Variants in STK35 observed in about 807,000 individuals in gnomAD.
The protein encoded by STK35 is serine/threonine-protein kinase 35.
STK35 carries 17 observed loss-of-function variants against 37.3 expected under a neutral mutation model. The ratio of observed to expected loss-of-function variants is 0.46; its 90% CI spans 0.31 to 0.68. The LOEUF is 0.68. STK35 is among the 30% of genes least tolerant of loss of function. The pLI is 0.05. For missense variants in STK35, 595 were observed against 746.7 expected (o/e 0.80, Z 2.37); for synonymous variants, 385 against 319.1 (o/e 1.21, Z -2.20).
intron 3 of STK35, among the ~76,000 whole-genome samples, chr20:2,130,108 A>G (rs746662793): frequency 3.3e-5 from 5 of 152,190 alleles, no homozygotes; most frequent in Non-Finnish European, 7.3e-5. Context: ...GAACAGAGCC[A>G]TGTAAGAGTG....
intron 2 of STK35, 78 bp downstream of exon 2, chr20:2,103,443 C>A: frequency 7.1e-7 from 1 of 1,411,336 alleles, no homozygotes; most frequent in Non-Finnish European, 9.6e-7. Flanking sequence ...CACACTGTTC[C>A]TGGCCTTCCT....
intron 1 of STK35, 61 bp downstream of exon 1, chr20:2,102,236 C>T (rs1985407164): frequency 2.2e-6 from 3 of 1,381,314 alleles, no homozygotes; most frequent in African/African-American, 3.1e-5. Flanking sequence ...GCCACTGCCT[C>T]CGCGCTTGGG....
At chr20:2,142,812 A>G (rs186862786) in intron 3 of STK35, among the ~76,000 whole-genome samples, 1 of 152,294 alleles carries the variant, frequency 6.6e-6, no homozygotes, top group African/African-American at 2.4e-5. Context: ...GTTGCCCTAG[A>G]TGGCCCGCCC....
At position 2,102,054 on chromosome 20, in the gene STK35, C is replaced by G; in HGVS notation, c.173C>G (p.Ala58Gly). The G allele has an allele frequency of 9.8e-6, 15 of 1,523,752 alleles. No individual in the cohort carries two copies. Among genetic ancestry groups the G allele is most frequent in the Non-Finnish European group, 1.3e-5 (15 of 1,140,728 alleles). The allele number at this position is 1,523,752 out of a possible 1,614,324, so 94.4% of individuals were successfully genotyped here. Residue 58 changes from alanine to glycine, a missense_variant, in exon 1 of 4, where the codon GCT becomes GGT. Around this residue, in one of 3 missense-constraint regions of STK35, gnomAD observed 389 missense variants for 320.0 expected, o/e 1.22. Transcript: ENST00000381482. ...AAAEGSATRR[A>G]RAATSRAARS... ...GCAGAAGGATCCGCTACACGCCGGG[C>G]TCGGGCCGCCACCTCCCGCGCTGCT... is the stretch of plus-strand genomic sequence containing the variant.
At chr20:2,103,632 T>C (rs1038820987) in intron 2 of STK35, among the ~76,000 whole-genome samples, 1 of 152,168 alleles carries the variant, frequency 6.6e-6, no homozygotes, top group Non-Finnish European at 1.5e-5. Context: ...TGCTCAAGAA[T>C]TGCGAGCTAT....
chr20:2,135,135 C>A (rs572485309), intron 3 of STK35, among the ~76,000 whole-genome samples: 3 of 152,344 alleles, frequency 2.0e-5, no homozygotes, highest in Non-Finnish European at 2.9e-5. Flanking sequence ...GATCCTTCAT[C>A]TTCCCGTGTT....
At chr20:2,120,756 G>C (rs906260246) in intron 3 of STK35, among the ~76,000 whole-genome samples, 51 of 152,346 alleles carry the variant, frequency 3.3e-4, no homozygotes, top group African/African-American at 1.2e-3. Flanking sequence ...AAACAGACAA[G>C]TTTTTGCAGT....
intron 3 of STK35, among the ~76,000 whole-genome samples, chr20:2,129,569 T>C (rs1341741317): frequency 6.6e-6 from 1 of 152,042 alleles, no homozygotes; most frequent in Non-Finnish European, 1.5e-5. Context: ...ATCAACTGTG[T>C]GTTGGGCACT....
chr20:2,104,345 G>A (rs1019593986), intron 2 of STK35, among the ~76,000 whole-genome samples: 7 of 152,214 alleles, frequency 4.6e-5, no homozygotes, highest in Non-Finnish European at 1.0e-4. Flanking sequence ...TGTGGTCTCA[G>A]TGCTGAAGTA....
chr20:2,124,840 G>C (rs1054641470), intron 3 of STK35, among the ~76,000 whole-genome samples: 15 of 152,168 alleles, frequency 9.9e-5, no homozygotes, highest in Non-Finnish European at 2.2e-4. Flanking sequence ...TTCCTCCCCA[G>C]GTGGGGAAGG....
intron 3 of STK35, among the ~76,000 whole-genome samples, chr20:2,142,767 C>G (rs1986192399): frequency 6.6e-6 from 1 of 152,032 alleles, no homozygotes; most frequent in African/African-American, 2.4e-5. Context: ...AAAAAACCTC[C>G]TAGATGATTC....
chr20:2,124,681 G>T (rs552336942), intron 3 of STK35, among the ~76,000 whole-genome samples: 1 of 152,288 alleles, frequency 6.6e-6, no homozygotes, highest in East Asian at 1.9e-4. Flanking sequence ...GGGGTTATGA[G>T]TGAAGAGTCA....
intron 3 of STK35, among the ~76,000 whole-genome samples, chr20:2,137,005 T>A (rs891640133): frequency 6.6e-6 from 1 of 152,184 alleles, no homozygotes; most frequent in African/African-American, 2.4e-5. Context: ...CAGCAGGAGC[T>A]GAAGACCCAA....
rs976918522 is a variant in STK35, at chr20:2,117,836, T to C, written c.*37+421T>C. Among the ~76,000 whole-genome samples the C allele has an allele frequency of 6.6e-6, 1 of 152,174 alleles. No individual in the cohort carries two copies. Among genetic ancestry groups the C allele is most frequent in the African/African-American group, 2.4e-5 (1 of 41,430 alleles). ...TGTGAACTTGCAGGGGAATACAAAGTTGAAGAAAATGAAGTGCTTCTTTTC... is the reference window on the plus strand; with the variant it reads ...TGTGAACTTGCAGGGGAATACAAAGCTGAAGAAAATGAAGTGCTTCTTTTC... On this transcript the variant is annotated intron_variant, in intron 3 of 3. Transcript: ENST00000381482. The surrounding 1 kb of genome is among the most constrained non-coding windows in gnomAD (Gnocchi z 4.4).
At chr20:2,118,998 T>A (rs923173030) in intron 3 of STK35, among the ~76,000 whole-genome samples, 1 of 152,206 alleles carries the variant, frequency 6.6e-6, no homozygotes, top group African/African-American at 2.4e-5. Context: ...AGCAGCCCAT[T>A]GTTAAGCGAC....
chr20:2,143,362 A>ACAGCAC (rs1686314809), intron 3 of STK35, among the ~76,000 whole-genome samples: 1 of 152,210 alleles, frequency 6.6e-6, no homozygotes, highest in Admixed American at 6.5e-5. Context: ...TTTCTAACAA[A>ACAGCAC]CAGCACAATT....
intron 3 of STK35, among the ~76,000 whole-genome samples, chr20:2,118,086 C>T (rs2122555681): frequency 6.6e-6 from 1 of 152,306 alleles, no homozygotes; most frequent in East Asian, 1.9e-4. Flanking sequence ...CACCTACTCA[C>T]ACATCCGGTT....
chr20:2,134,076 T>G (rs1426163440), intron 3 of STK35, among the ~76,000 whole-genome samples: 2 of 152,072 alleles, frequency 1.3e-5, no homozygotes, highest in Non-Finnish European at 2.9e-5. Context: ...GCCTGTCTCC[T>G]CCTGATAACA....
At chr20:2,129,235 A>G (rs898791439) in intron 3 of STK35, among the ~76,000 whole-genome samples, 3 of 152,184 alleles carry the variant, frequency 2.0e-5, no homozygotes, top group African/African-American at 7.2e-5. Context: ...CGTGGAGATG[A>G]GAATTCCCAT....
Sources: gnomAD v4.1 joint callset for allele counts (sites outside exome capture counted in the v4.1 genomes callset) on GRCh38, gnomAD v4.1.1 for gene constraint, gnomAD v4.1.1 regional missense constraint, Gnocchi (gnomAD v3.1) non-coding constraint, MANE v1.5 for transcripts, NCBI Gene and HGNC (gene_info 2026-07-23, HGNC 2026-07-21) for gene names.